Variants in FGF5 observed in about 807,000 individuals in gnomAD.
FGF5 encodes heparin-binding growth factor 5.
FGF5 carries 23 observed loss-of-function variants against 21.8 expected under a neutral mutation model. The observed-to-expected ratio is 1.05, with a 90% CI of 0.76 to 1.49. FGF5 has a LOEUF of 1.49. FGF5 is among the 40% of genes most tolerant of loss of function. The pLI, the probability that FGF5 is intolerant of heterozygous loss-of-function variation, is 0.00. For missense variants in FGF5, 352 were observed against 332.9 expected, an observed-to-expected ratio of 1.06 and a Z score of -0.45; for synonymous variants, 158 against 124.0, an observed-to-expected ratio of 1.27 and a Z score of -1.82.
At chr4:80,277,784 A>G (rs1397750588) in intron 2 of FGF5, among the ~76,000 whole-genome samples, 1 of 152,148 alleles carries the variant, frequency 6.6e-6, no homozygotes, top group Non-Finnish European at 1.5e-5. Flanking sequence ...TAAACTAAAA[A>G]TATAAAATAT....
At chr4:80,275,108 C>T in intron 2 of FGF5, 96 bp downstream of exon 2, 1 of 515,208 alleles carries the variant, frequency 1.9e-6, no homozygotes, top group East Asian at 3.4e-5. Flanking sequence ...AGAAAATTTG[C>T]CCAAAGAACT....
Position 80,285,678 on chromosome 4 carries a change from T to C in FGF5, c.460-647T>C, listed in dbSNP as rs1218054901. 2.6e-5 allele frequency among the ~76,000 whole-genome samples: 4 copies of C among 152,208 alleles called. No individual in the cohort carries two copies. The East Asian group carries it at 7.7e-4, about 29-fold the overall frequency. On this transcript the variant is annotated intron_variant, in intron 2 of 2. Transcript: ENST00000312465. The stretch of plus-strand genomic sequence containing the variant: ...GTGTGTGTGTAAGATCTGGCCAAAG[T>C]GTAGTTAGTAACTCGAGTGACTTTT...
At chr4:80,268,538 C>T (rs982532309) in intron 1 of FGF5, 2 of 986,160 alleles carry the variant, frequency 2.0e-6, no homozygotes, top group Non-Finnish European at 1.2e-6. Context: ...AGCCAGCAGT[C>T]TCCAGAGGGG....
At chr4:80,285,501 C>A (rs1391018887) in intron 2 of FGF5, among the ~76,000 whole-genome samples, 1 of 152,158 alleles carries the variant, frequency 6.6e-6, no homozygotes, top group African/African-American at 2.4e-5. Context: ...CTCTTCTTGG[C>A]CACCTCCACC....
chr4:80,286,566 C>T lies in FGF5; in HGVS notation c.701C>T (p.Pro234Leu), dbSNP rs1319083255. The T allele has an allele frequency of 6.2e-7, 1 of 1,614,018 alleles. No homozygotes were observed. Among genetic ancestry groups the T allele is most frequent in the South Asian group, 1.1e-5 (1 of 91,086 alleles). ...QPELSFTVTV[P>L]EKKKPPSPIK... ...GAACTTTCTTTCACGGTTACTGTTC[C>T]TGAAAAGAAAAAGCCACCTAGCCCT... is the stretch of plus-strand genomic sequence containing the variant. Residue 234 changes from proline to leucine, a missense_variant, in exon 3 of 3, where the codon CCT (proline) becomes CTT (leucine). Physicochemically the swap from Pro to Leu is moderately conservative, Grantham distance 98. Transcript: ENST00000312465.
intron 1 of FGF5, 47 bp downstream of exon 1, chr4:80,267,226 A>G: frequency 6.9e-7 from 1 of 1,457,440 alleles, no homozygotes; most frequent in Non-Finnish European, 9.4e-7. Context: ...CGGCCGCGGA[A>G]GATTCGGGAG....
At position 80,289,952 on chromosome 4, in the gene FGF5, A is replaced by G. The variant is rs1007094091; in HGVS notation, c.*3280A>G. ...ATAAAACATCATAAATCTGGTAGGT[A>G]AATTTCTTATTAAATCAATCTTGAA... On this transcript the variant is annotated 3_prime_UTR_variant, in exon 3 of 3. Transcript: ENST00000312465. 1 of 152,184 alleles carries G rather than the reference A, an allele frequency of 6.6e-6. No homozygotes were observed. Among genetic ancestry groups the G allele is most frequent in the African/African-American group, 2.4e-5 (1 of 41,462 alleles). 9.4% of individuals were successfully genotyped at this position (152,184 alleles called of 1,614,324 possible).
intron 2 of FGF5, among the ~76,000 whole-genome samples, chr4:80,286,055 C>A (rs1016654005): frequency 5.3e-5 from 8 of 152,090 alleles, no homozygotes; most frequent in African/African-American, 1.7e-4. Flanking sequence ...ATCAAGAGTT[C>A]TGGTTACTTT....
At chr4:80,268,668 C>T (rs1720183564) in intron 1 of FGF5, 1 of 294,946 alleles carries the variant, frequency 3.4e-6, no homozygotes, top group Non-Finnish European at 5.1e-6. Context: ...CTATGCCCGC[C>T]CCTCTGCGCC....
chr4:80,272,611 T>C (rs1037366823), intron 1 of FGF5, among the ~76,000 whole-genome samples: 1 of 152,152 alleles, frequency 6.6e-6, no homozygotes, highest in Non-Finnish European at 1.5e-5. Flanking sequence ...TATGAGACTT[T>C]AATCTTTTAT....
chr4:80,289,684 ATCTTTCAAG>A lies in FGF5; in HGVS notation c.*3013_*3021del. ...ATAAGATGTAGTAACACTGTGATTT[ATCTTTCAAG>A]AGTCTCTCTTCACTTCCTTCTAAAG... is the stretch of plus-strand genomic sequence containing the variant. On this transcript the variant is annotated 3_prime_UTR_variant, in exon 3 of 3. Coordinates refer to ENST00000312465, the MANE Select transcript of FGF5 (RefSeq NM_004464.4). The A allele has an allele frequency of 6.6e-6, 1 of 152,262 alleles. No individual in the cohort carries two copies. Among genetic ancestry groups the A allele is most frequent in the East Asian group, 1.9e-4 (1 of 5,184 alleles). 9.4% of individuals were successfully genotyped at this position (152,262 alleles called of 1,614,324 possible).
rs1035356055 is a variant in FGF5, at chr4:80,286,807, C to T, written c.*135C>T. 7.4e-6 allele frequency: 5 copies of T among 672,772 alleles called. No homozygotes were observed. The highest frequency in any genetic ancestry group is 1.2e-5 in the Non-Finnish European group (5 of 403,384). The allele number at this position is 672,772 out of a possible 1,614,324, so 41.7% of individuals were successfully genotyped here. ...TGTATTGAAGTCACGTCATTTGTTTCAATGTGACTGAAACAAAATGTTTTT... is the reference window on the plus strand; with the variant it reads ...TGTATTGAAGTCACGTCATTTGTTTTAATGTGACTGAAACAAAATGTTTTT... On this transcript the variant is annotated 3_prime_UTR_variant, in exon 3 of 3. Coordinates refer to ENST00000312465, the MANE Select transcript of FGF5 (RefSeq NM_004464.4).
At chr4:80,276,446 G>A (rs1720413067) in intron 2 of FGF5, among the ~76,000 whole-genome samples, 1 of 151,682 alleles carries the variant, frequency 6.6e-6, no homozygotes, top group South Asian at 2.1e-4. Context: ...TTTGTTTAAG[G>A]GACAACATTC....
Position 80,290,287 on chromosome 4 carries a change from A to C in FGF5, c.*3615A>C, listed in dbSNP as rs1327237969. 2 of 152,180 alleles carry C rather than the reference A, an allele frequency of 1.3e-5. No homozygotes were observed. The highest frequency in any genetic ancestry group is 2.1e-4 in the South Asian group (1 of 4,834). The allele number at this position is 152,180 out of a possible 1,614,324, so 9.4% of individuals were successfully genotyped here. On this transcript the variant is annotated 3_prime_UTR_variant, in exon 3 of 3. Coordinates refer to ENST00000312465, the MANE Select transcript of FGF5 (RefSeq NM_004464.4). The stretch of plus-strand genomic sequence containing the variant: ...ATTTAAAATCCATTTTAGGTGATAA[A>C]ATTTTTTAAAAGTTTTGAAGGAAAC...
At chr4:80,280,710 CAG>C (rs1720528996) in intron 2 of FGF5, among the ~76,000 whole-genome samples, 1 of 152,146 alleles carries the variant, frequency 6.6e-6, no homozygotes, top group Non-Finnish European at 1.5e-5. Context: ...CCACCTGACA[CAG>C]AGTAGTCTCC....
chr4:80,284,973 GA>G (rs1720667852), intron 2 of FGF5, among the ~76,000 whole-genome samples: 1 of 152,156 alleles, frequency 6.6e-6, no homozygotes, highest in African/African-American at 2.4e-5. Flanking sequence ...AGTACTCCTT[GA>G]AATTATGAAA....
intron 2 of FGF5, among the ~76,000 whole-genome samples, chr4:80,276,937 T>C (rs1407445787): frequency 6.6e-6 from 1 of 152,120 alleles, no homozygotes; most frequent in African/African-American, 2.4e-5. Context: ...CTGGTTTGTT[T>C]TGAGTGAAAA....
At chr4:80,280,087 C>T (rs1720512059) in intron 2 of FGF5, among the ~76,000 whole-genome samples, 1 of 152,202 alleles carries the variant, frequency 6.6e-6, no homozygotes, top group African/African-American at 2.4e-5. Context: ...TAATACTTAT[C>T]ATCCTCATCA....
intron 2 of FGF5, among the ~76,000 whole-genome samples, chr4:80,278,050 A>G (rs1396747195): frequency 6.6e-6 from 1 of 152,140 alleles, no homozygotes; most frequent in Non-Finnish European, 1.5e-5. Context: ...TTGAACCAGA[A>G]CTATATCCTC....
Sources: allele counts gnomAD v4.1 joint callset (sites outside exome capture counted in the v4.1 genomes callset), GRCh38; gene constraint gnomAD v4.1.1; transcripts MANE v1.5; gene names NCBI Gene and HGNC (gene_info 2026-07-23, HGNC 2026-07-21).